PHF21B: variants seen among roughly 807,000 people sequenced by gnomAD.
PHF21B encodes PHD finger protein 21B.
In PHF21B, 22 loss-of-function variants were observed where a neutral mutation model predicts 62.2. The observed-to-expected ratio is 0.35, with a 90% CI of 0.25 to 0.51. PHF21B has a LOEUF of 0.51. Among genes scored for constraint, PHF21B ranks in the 20% least tolerant of loss-of-function variants. The pLI is 0.97. For synonymous variants in PHF21B, 341 were observed against 314.7 expected (o/e 1.08, Z -0.88); for missense variants, 701 against 707.9 (o/e 0.99, Z 0.11).
At chr22:44,989,282 T>C (rs1358475719) in intron 2 of PHF21B, 1 of 152,232 alleles carries the variant, frequency 6.6e-6, no homozygotes, top group East Asian at 1.9e-4. Context: ...GTGCGAGTGA[T>C]GAGAAGGGCT....
intron 10 of PHF21B, 43 bp from the exon 11 acceptor site, chr22:44,885,981 G>T: frequency 6.4e-7 from 1 of 1,571,506 alleles, no homozygotes; most frequent in Middle Eastern, 1.7e-4. Flanking sequence ...CAGGCCCTGG[G>T]ACCTGCTGGG....
At chr22:44,968,444 G>A (rs569879817) in intron 2 of PHF21B, among the ~76,000 whole-genome samples, 97 of 152,214 alleles carry the variant, frequency 6.4e-4, no homozygotes, top group Admixed American at 3.7e-3. Flanking sequence ...AGGAGTTCGA[G>A]ACCAGCCTGG....
rs1039345286 is a variant in PHF21B, at chr22:44,991,644, C to T, written c.120+16901G>A. ...CAGTCCCTTACAGAGCTCGGGGGAC[C>T]CTGGGGTGGTCACCCTGTGCCCAGC... is the stretch of plus-strand genomic sequence containing the variant. On this transcript the variant is annotated intron_variant, in intron 2 of 12. Transcript: ENST00000313237. Among the ~76,000 whole-genome samples the T allele has an allele frequency of 2.0e-5, 3 of 152,264 alleles. No individual in the cohort carries two copies. In the South Asian group the frequency reaches 6.2e-4, roughly 32 times the overall value.
At position 45,004,386 on chromosome 22, in the gene PHF21B, G is replaced by T. The variant is rs140823022; in HGVS notation, c.120+4159C>A. Among the ~76,000 whole-genome samples, 149 of 152,172 alleles carry T rather than the reference G, an allele frequency of 9.8e-4. 1 individual carries two copies. The highest frequency in any genetic ancestry group is 3.4e-3 in the African/African-American group (143 of 41,506). On this transcript the variant is annotated intron_variant, in intron 2 of 12. Coordinates refer to ENST00000313237, the MANE Select transcript of PHF21B (RefSeq NM_138415.5). ...AGGAAACTCCAGCTGTGTGTGTGGG[G>T]GGTGTGAGAGGTGGGGGATGAAGGC...
chr22:45,009,613 C>T lies in PHF21B; in HGVS notation c.-64G>A, dbSNP rs2073388604. On this transcript the variant is annotated 5_prime_UTR_variant, in exon 1 of 13. Transcript: ENST00000313237. This position sits in a 1 kb window ranked among gnomAD's most constrained non-coding sequence, Gnocchi z 5.9. ...CGGGCTCCCGGGAAGTTGCGCGGCTCCGCGGGGGCCAGAGCGGGCGCGGGC... is the reference window on the plus strand; with the variant it reads ...CGGGCTCCCGGGAAGTTGCGCGGCTTCGCGGGGGCCAGAGCGGGCGCGGGC... 2 of 1,474,580 alleles carry T rather than the reference C, an allele frequency of 1.4e-6. No homozygotes were observed. Among genetic ancestry groups the T allele is most frequent in the South Asian group, 1.3e-5 (1 of 74,972 alleles). 91.3% of individuals were successfully genotyped at this position (1,474,580 alleles called of 1,614,324 possible). A position where few individuals can be genotyped will look rare whatever the true frequency, so the allele number is the denominator to read the frequency against.
chr22:44,960,696 G>A (rs1173582625), intron 2 of PHF21B, among the ~76,000 whole-genome samples: 1 of 152,230 alleles, frequency 6.6e-6, no homozygotes, highest in Non-Finnish European at 1.5e-5. Flanking sequence ...GCCCTCACCA[G>A]TGAATGAGGG....
chr22:44,954,729 C>T (rs951574351), intron 2 of PHF21B, among the ~76,000 whole-genome samples: 13 of 152,208 alleles, frequency 8.5e-5, no homozygotes, highest in East Asian at 1.9e-4. Flanking sequence ...AGGCACCGAG[C>T]GTATTGTGTT....
At chr22:44,975,298 T>A (rs369276825) in intron 2 of PHF21B, among the ~76,000 whole-genome samples, 1 of 152,176 alleles carries the variant, frequency 6.6e-6, no homozygotes, top group Non-Finnish European at 1.5e-5. Flanking sequence ...AGCACCTGCC[T>A]GGCCTTGGAC....
chr22:44,916,487 A>C lies in PHF21B; in HGVS notation c.357T>G (p.Thr119=), dbSNP rs1299820803. 1 of 1,436,282 alleles carries C rather than the reference A, an allele frequency of 7.0e-7. No individual in the cohort carries two copies. Among genetic ancestry groups the C allele is most frequent in the Non-Finnish European group, 9.4e-7 (1 of 1,066,092 alleles). 89.0% of individuals were successfully genotyped at this position (1,436,282 alleles called of 1,614,324 possible). ...TGCCGGGCGCTGGCACATGGCTGAC[A>C]GTGTTGTTGGCGGTGGGGAGGGCTG... The part of the protein sequence containing the change: ...PSPALPTANN[T]VSHVPAPGSQ... Residue 119 remains threonine, a synonymous_variant, in exon 4 of 13, where the codon ACT becomes ACG. Coordinates refer to ENST00000313237, the MANE Select transcript of PHF21B (RefSeq NM_138415.5).
At chr22:45,007,909 G>C (rs1208595270) in intron 2 of PHF21B, among the ~76,000 whole-genome samples, 1 of 151,922 alleles carries the variant, frequency 6.6e-6, no homozygotes, top group Non-Finnish European at 1.5e-5. Context: ...AGGGGGCCCG[G>C]AGGGGGGGGA....
At chr22:44,981,234 G>A (rs537867032) in intron 2 of PHF21B, among the ~76,000 whole-genome samples, 7 of 152,238 alleles carry the variant, frequency 4.6e-5, no homozygotes, top group African/African-American at 1.4e-4. Context: ...GGGAGGAGGA[G>A]GCAAGAAACT....
At chr22:44,971,632 C>T (rs1202112379) in intron 2 of PHF21B, among the ~76,000 whole-genome samples, 1 of 152,198 alleles carries the variant, frequency 6.6e-6, no homozygotes, top group Non-Finnish European at 1.5e-5. Context: ...AGGGCCTGGC[C>T]CTTGGGCGGC....
intron 3 of PHF21B, 87 bp from the exon 4 acceptor site, chr22:44,916,717 A>C: frequency 8.4e-7 from 1 of 1,191,768 alleles, no homozygotes; most frequent in Non-Finnish European, 1.2e-6. Flanking sequence ...GACTTCCTAT[A>C]TTCAAGGGGA....
At chr22:44,911,765 C>T (rs2147293035) in intron 5 of PHF21B, among the ~76,000 whole-genome samples, 1 of 152,330 alleles carries the variant, frequency 6.6e-6, no homozygotes, top group East Asian at 1.9e-4. Flanking sequence ...AGTTGGAGCC[C>T]CTACACGGAG....
intron 4 of PHF21B, 25 bp from the exon 5 acceptor site, chr22:44,914,113 A>G: frequency 2.2e-6 from 1 of 453,114 alleles, no homozygotes; most frequent in South Asian, 3.1e-5. Flanking sequence ...TGAGGGGCAC[A>G]GGGAGGAAGG....
At chr22:44,995,976 A>G (rs1271423710) in intron 2 of PHF21B, among the ~76,000 whole-genome samples, 1 of 152,056 alleles carries the variant, frequency 6.6e-6, no homozygotes, top group Non-Finnish European at 1.5e-5. Context: ...GGGACAGTTC[A>G]CCTCGATCTG....
chr22:44,916,202 G>A (rs1185980447), intron 4 of PHF21B, 78 bp downstream of exon 4: 3 of 1,360,914 alleles, frequency 2.2e-6, no homozygotes, highest in South Asian at 1.3e-5. Flanking sequence ...TTGTTCATTT[G>A]GCCCTTCCCA....
intron 2 of PHF21B, among the ~76,000 whole-genome samples, chr22:44,933,778 C>A (rs529495966): frequency 6.6e-6 from 1 of 152,230 alleles, no homozygotes; most frequent in Admixed American, 6.5e-5. Context: ...GAGACAGACA[C>A]ATGACTGCCC....
chr22:44,967,704 A>G (rs1173609844), intron 2 of PHF21B, among the ~76,000 whole-genome samples: 2 of 152,126 alleles, frequency 1.3e-5, no homozygotes, highest in Admixed American at 6.5e-5. Flanking sequence ...CAGTTTGTTA[A>G]CTGAAGTCCA....
Sources: allele counts gnomAD v4.1 joint callset (sites outside exome capture counted in the v4.1 genomes callset), GRCh38; gene constraint gnomAD v4.1.1; non-coding constraint Gnocchi (gnomAD v3.1); transcripts MANE v1.5; gene names NCBI Gene and HGNC (gene_info 2026-07-23, HGNC 2026-07-21).